Variants in LDB2 observed in about 807,000 individuals in gnomAD.
LDB2 encodes LIM domain-binding protein 2.
In LDB2, 12 loss-of-function variants were observed where a neutral mutation model predicts 44.3. The observed-to-expected ratio is 0.27, with a 90% CI of 0.17 to 0.44. The LOEUF (loss-of-function observed/expected upper bound fraction) is 0.44. LDB2 is among the 20% of genes least tolerant of loss of function. LDB2 has a pLI of 1.00. For synonymous variants in LDB2, 164 were observed against 174.8 expected (o/e 0.94, Z 0.49); for missense variants, 344 against 473.5 (o/e 0.73, Z 2.54).
At chr4:16,826,300 C>T (rs1783059048) in intron 1 of LDB2, 1 of 152,120 alleles carries the variant, frequency 6.6e-6, no homozygotes, top group Admixed American at 6.5e-5. Context: ...AACTTCTAGT[C>T]CCAATAGTTC....
intron 2 of LDB2, among the ~76,000 whole-genome samples, chr4:16,698,874 A>G (rs1010903293): frequency 6.6e-5 from 10 of 152,246 alleles, no homozygotes; most frequent in Non-Finnish European, 2.9e-5. Flanking sequence ...AAAGTTATAT[A>G]GAATACAAAA....
At chr4:16,769,977 C>T (rs546173660) in intron 1 of LDB2, among the ~76,000 whole-genome samples, 1 of 152,248 alleles carries the variant, frequency 6.6e-6, no homozygotes, top group Non-Finnish European at 1.5e-5. Context: ...CCCCCAAAGA[C>T]CTGAGAAATT....
At chr4:16,665,158 G>A (rs914871886) in intron 2 of LDB2, among the ~76,000 whole-genome samples, 3 of 152,048 alleles carry the variant, frequency 2.0e-5, no homozygotes, top group African/African-American at 7.2e-5. Flanking sequence ...CTTCCCCACT[G>A]CAGCCTCCAG....
intron 1 of LDB2, among the ~76,000 whole-genome samples, chr4:16,833,088 C>T (rs541190895): frequency 6.6e-6 from 1 of 152,288 alleles, no homozygotes; most frequent in Non-Finnish European, 1.5e-5. Flanking sequence ...AAAAAACACA[C>T]TTTTATCTTA....
intron 1 of LDB2, among the ~76,000 whole-genome samples, chr4:16,850,263 C>A (rs938170716): frequency 6.6e-6 from 1 of 152,118 alleles, no homozygotes; most frequent in Non-Finnish European, 1.5e-5. Context: ...AGGGAAATAT[C>A]CCAGGCTTTG....
chr4:16,885,029 ATACGTGTATGAGGCT>A (rs887342862), intron 1 of LDB2, among the ~76,000 whole-genome samples: 1 of 152,098 alleles, frequency 6.6e-6, no homozygotes, highest in Non-Finnish European at 1.5e-5. Context: ...TACTAGAAGC[ATACGTGTATGAGGCT>A]TATTTTTAAA....
intron 1 of LDB2, among the ~76,000 whole-genome samples, chr4:16,820,253 T>C (rs1377673742): frequency 6.6e-6 from 1 of 151,802 alleles, no homozygotes. Context: ...CATGGGGGGG[T>C]AGTTTAGTAT....
intron 2 of LDB2, among the ~76,000 whole-genome samples, chr4:16,606,754 T>A (rs999435318): frequency 6.6e-6 from 1 of 152,244 alleles, no homozygotes; most frequent in Non-Finnish European, 1.5e-5. Context: ...AATCTACTCC[T>A]TTATTTTTCA....
intron 1 of LDB2, among the ~76,000 whole-genome samples, chr4:16,783,915 C>T (rs16893999): frequency 0.02 from 3,058 of 152,210 alleles, 77 homozygotes; most frequent in African/African-American, 0.056. Flanking sequence ...AATTGCTCTC[C>T]AAGCTTCTAC....
intron 5 of LDB2, among the ~76,000 whole-genome samples, chr4:16,548,134 T>A (rs1736416600): frequency 6.6e-6 from 1 of 152,042 alleles, no homozygotes; most frequent in Non-Finnish European, 1.5e-5. Context: ...TCAACTTTCC[T>A]GGTTCTTGAC....
At chr4:16,520,602 C>T (rs1317324733) in intron 5 of LDB2, among the ~76,000 whole-genome samples, 2 of 152,160 alleles carry the variant, frequency 1.3e-5, no homozygotes, top group Non-Finnish European at 2.9e-5. Context: ...AAAGTTATCG[C>T]GTCCAACCCT....
intron 2 of LDB2, among the ~76,000 whole-genome samples, chr4:16,686,227 G>C (rs146414142): frequency 1.3e-5 from 2 of 152,110 alleles, no homozygotes; most frequent in Non-Finnish European, 2.9e-5. Flanking sequence ...TCTCCCTTCC[G>C]TGTGACTATT....
chr4:16,808,866 C>T (rs543814590), intron 1 of LDB2, among the ~76,000 whole-genome samples: 4 of 152,254 alleles, frequency 2.6e-5, no homozygotes, highest in African/African-American at 9.6e-5. Flanking sequence ...TTATGGCTAG[C>T]TCTCCACCGA....
At chr4:16,830,842 T>C (rs1483260664) in intron 1 of LDB2, among the ~76,000 whole-genome samples, 1 of 152,170 alleles carries the variant, frequency 6.6e-6, no homozygotes, top group African/African-American at 2.4e-5. Context: ...CTGATCCAAT[T>C]AGCCTGTGCC....
intron 1 of LDB2, among the ~76,000 whole-genome samples, chr4:16,794,948 G>A (rs1776433698): frequency 6.6e-6 from 1 of 152,174 alleles, no homozygotes; most frequent in Non-Finnish European, 1.5e-5. Flanking sequence ...CACGTGCCAG[G>A]CAGTGGAAAT....
At chr4:16,627,202 C>T (rs747960633) in intron 2 of LDB2, among the ~76,000 whole-genome samples, 3 of 152,192 alleles carry the variant, frequency 2.0e-5, no homozygotes, top group African/African-American at 7.2e-5. Context: ...CACCCCACCA[C>T]AATTCCACTT....
In LDB2 at chr4:16,898,590, C is replaced by T; in HGVS notation, c.-105G>A. ...TACAAAGTAGACGCACGCACACACGCTCACACACACACAGAGGCAGGCAGG... is the reference window on the plus strand; with the variant it reads ...TACAAAGTAGACGCACGCACACACGTTCACACACACACAGAGGCAGGCAGG... On this transcript the variant is annotated 5_prime_UTR_variant, in exon 1 of 8. Transcript: ENST00000304523. 1 of 1,140,136 alleles carries T rather than the reference C, an allele frequency of 8.8e-7. No individual in the cohort carries two copies. Among genetic ancestry groups the T allele is most frequent in the South Asian group, 1.6e-5 (1 of 63,854 alleles). 70.6% of individuals were successfully genotyped at this position (1,140,136 alleles called of 1,614,324 possible). A position where few individuals can be genotyped will look rare whatever the true frequency, so the allele number is the denominator to read the frequency against.
At chr4:16,658,125 A>C (rs1451348837) in intron 2 of LDB2, among the ~76,000 whole-genome samples, 1 of 152,218 alleles carries the variant, frequency 6.6e-6, no homozygotes, top group African/African-American at 2.4e-5. Context: ...CCTGGATTGG[A>C]AACAGAAAGA....
At chr4:16,762,576 G>A (rs157483) in intron 1 of LDB2, among the ~76,000 whole-genome samples, 115,161 of 151,954 alleles carry the variant, frequency 0.76, 46,132 homozygotes, top group Non-Finnish European at 0.91. Flanking sequence ...ATCAGATCTC[G>A]TGAGAACTAA....
Sources: allele counts gnomAD v4.1 joint callset (sites outside exome capture counted in the v4.1 genomes callset), GRCh38; gene constraint gnomAD v4.1.1; transcripts MANE v1.5; gene names NCBI Gene and HGNC (gene_info 2026-07-23, HGNC 2026-07-21).